LINGO2: variants seen among roughly 807,000 people sequenced by gnomAD.
LINGO2 encodes leucine rich repeat and Ig domain containing 2.
A neutral mutation model predicts 30.6 loss-of-function variants in LINGO2; 14 were observed. The ratio of observed to expected loss-of-function variants is 0.46; its 90% CI spans 0.30 to 0.72. LINGO2 has a LOEUF of 0.72. Among genes scored for constraint, LINGO2 ranks in the 30% least tolerant of loss-of-function variants. The pLI, the probability that LINGO2 is intolerant of heterozygous loss-of-function variation, is 0.07. For missense variants in LINGO2, 729 were observed against 751.7 expected (o/e 0.97, Z 0.35); for synonymous variants, 317 against 288.5 (o/e 1.10, Z -1.00).
intron 2 of LINGO2, among the ~76,000 whole-genome samples, chr9:28,390,268 A>C (rs1821770955): frequency 6.6e-6 from 1 of 152,224 alleles, no homozygotes; most frequent in Admixed American, 6.5e-5. Context: ...CTACAAAATT[A>C]AACTATTTCT....
chr9:28,665,938 G>A (rs1365404648), intron 1 of LINGO2, among the ~76,000 whole-genome samples: 2 of 150,318 alleles, frequency 1.3e-5, no homozygotes, highest in Non-Finnish European at 3.0e-5. Flanking sequence ...TGTTGCCCAG[G>A]CTGGAGTGCA....
chr9:28,755,593 G>A, the LINGO2 span, among the ~76,000 whole-genome samples: 2 of 152,206 alleles, frequency 1.3e-5, no homozygotes, highest in African/African-American at 4.8e-5. Context: ...AAGACTAAGA[G>A]AGGGACATTT....
intron 1 of LINGO2, among the ~76,000 whole-genome samples, chr9:28,587,864 G>T (rs1824643258): frequency 6.6e-6 from 1 of 151,880 alleles, no homozygotes; most frequent in African/African-American, 2.4e-5. Flanking sequence ...AGGGCATAAA[G>T]GACAAGAACA....
At chr9:28,385,956 G>A (rs536137504) in intron 2 of LINGO2, among the ~76,000 whole-genome samples, 1 of 152,126 alleles carries the variant, frequency 6.6e-6, no homozygotes, top group Non-Finnish European at 1.5e-5. Context: ...AAATACTACA[G>A]TTCTGGGCCT....
At chr9:28,274,251 T>C (rs1564088665) in intron 4 of LINGO2, among the ~76,000 whole-genome samples, 1 of 152,174 alleles carries the variant, frequency 6.6e-6, no homozygotes, top group Non-Finnish European at 1.5e-5. Flanking sequence ...TTTAACACTA[T>C]ACCTTATACA....
chr9:28,412,805 G>A (rs1822820097), intron 2 of LINGO2, among the ~76,000 whole-genome samples: 1 of 151,860 alleles, frequency 6.6e-6, no homozygotes, highest in Admixed American at 6.6e-5. Flanking sequence ...TAAATGATAA[G>A]TTCACTTTAC....
the LINGO2 span, among the ~76,000 whole-genome samples, chr9:28,845,914 C>G: frequency 6.6e-6 from 1 of 151,530 alleles, no homozygotes; most frequent in African/African-American, 2.4e-5. Context: ...CATTGGTGTT[C>G]TCTAATTAAA....
intron 1 of LINGO2, among the ~76,000 whole-genome samples, chr9:28,509,475 T>C (rs1378889490): frequency 6.6e-6 from 1 of 152,228 alleles, no homozygotes; most frequent in East Asian, 1.9e-4. Context: ...TTACAATCAT[T>C]GTCTCCACTA....
At chr9:28,182,529 C>A (rs1036159585) in intron 4 of LINGO2, among the ~76,000 whole-genome samples, 3 of 152,152 alleles carry the variant, frequency 2.0e-5, no homozygotes, top group Non-Finnish European at 1.5e-5. Context: ...GAACAGGCAA[C>A]CTACAGAATG....
At chr9:28,731,744 A>T in the LINGO2 span, among the ~76,000 whole-genome samples, 16 of 152,204 alleles carry the variant, frequency 1.1e-4, no homozygotes, top group Non-Finnish European at 2.2e-4. Flanking sequence ...CAGAAGTATG[A>T]ATATAGCTGG....
At chr9:28,195,526 T>C (rs1819980721) in intron 4 of LINGO2, among the ~76,000 whole-genome samples, 1 of 107,760 alleles carries the variant, frequency 9.3e-6, no homozygotes. Flanking sequence ...AAAATAAATA[T>C]CATAATTATA....
At chr9:28,670,315 G>T (rs1416312332), upstream of LINGO2, 2 of 151,974 alleles carry the variant, frequency 1.3e-5, no homozygotes, top group African/African-American at 4.8e-5. Context: ...AGAATATTCA[G>T]AGCAATATAT....
At chr9:28,854,806 G>A in the LINGO2 span, among the ~76,000 whole-genome samples, 6 of 151,864 alleles carry the variant, frequency 4.0e-5, no homozygotes, top group African/African-American at 1.2e-4. Flanking sequence ...ACTGTTAGCT[G>A]CCAAAATTTG....
intron 1 of LINGO2, among the ~76,000 whole-genome samples, chr9:28,485,131 T>G (rs1290413439): frequency 6.6e-6 from 1 of 152,150 alleles, no homozygotes; most frequent in Non-Finnish European, 1.5e-5. Context: ...CCCAACTTCT[T>G]ATTTGTCAGA....
chr9:28,645,977 T>C (rs910880442), intron 1 of LINGO2, among the ~76,000 whole-genome samples: 1 of 152,176 alleles, frequency 6.6e-6, no homozygotes, highest in Non-Finnish European at 1.5e-5. Flanking sequence ...CCTAAGTTTC[T>C]CTGAGCTTCA....
At chr9:29,074,293 GA>G in the LINGO2 span, among the ~76,000 whole-genome samples, 7 of 144,620 alleles carry the variant, frequency 4.8e-5, no homozygotes, top group Non-Finnish European at 1.1e-4. Context: ...ATTATATATT[GA>G]TGTCTTATCT....
chr9:29,186,994 A>C, the LINGO2 span, among the ~76,000 whole-genome samples: 1 of 152,108 alleles, frequency 6.6e-6, no homozygotes, highest in South Asian at 2.1e-4. Flanking sequence ...TACACACACA[A>C]ATTTCAACTA....
chr9:28,107,165 C>T lies in LINGO2; in HGVS notation c.-86-94760G>A, dbSNP rs115647101. ...AGCACTACACAACTCTCTTGCACAA[C>T]ATTTAACAGAAGTATGTCTTTAGAT... On this transcript the variant is annotated intron_variant, in intron 4 of 5. Transcript: ENST00000379992. 7.1e-3 allele frequency among the ~76,000 whole-genome samples: 1,080 copies of T among 152,268 alleles called. 9 individuals carry two copies. The highest frequency in any genetic ancestry group is 0.024 in the African/African-American group (1,011 of 41,546).
the LINGO2 span, among the ~76,000 whole-genome samples, chr9:28,700,636 C>G: frequency 6.6e-6 from 1 of 152,052 alleles, no homozygotes; most frequent in East Asian, 1.9e-4. Context: ...TGCGTATGTA[C>G]AAAGGTTTTC....
Sources: gnomAD v4.1 joint callset for allele counts (sites outside exome capture counted in the v4.1 genomes callset) on GRCh38, gnomAD v4.1.1 for gene constraint, MANE v1.5 for transcripts, NCBI Gene and HGNC (gene_info 2026-07-23, HGNC 2026-07-21) for gene names.